Variants in XK observed in about 807,000 individuals in gnomAD.
XK encodes endoplasmic reticulum membrane adapter protein XK.
In XK, 2 loss-of-function variants were observed where a neutral mutation model predicts 14.0. The observed-to-expected ratio is 0.14, with a 90% CI of 0.06 to 0.45. The LOEUF (loss-of-function observed/expected upper bound fraction) is 0.45. XK is among the 20% of genes least tolerant of loss of function. XK has a pLI of 0.98. For missense variants in XK, 235 were observed against 341.5 expected (o/e 0.69, Z 2.46); for synonymous variants, 149 against 147.5 (o/e 1.01, Z -0.08).
intron 2 of XK, among the ~76,000 whole-genome samples, chrX:37,700,926 A>G (rs1927401446): frequency 9.0e-6 from 1 of 110,947 alleles, no homozygotes; most frequent in African/African-American, 3.3e-5. Context: ...ATAAGGAAAA[A>G]ATGCAAAAAA....
Position 37,731,594 on chromosome X carries a change from T to C in XK, c.*3132T>C, listed in dbSNP as rs1041839385. On this transcript the variant is annotated 3_prime_UTR_variant, in exon 3 of 3. Coordinates refer to ENST00000378616, the MANE Select transcript of XK (RefSeq NM_021083.4). Reference sequence around the variant, plus strand: ...CAAATCCATAAGCAGGTTATTTTTATTTTTTTACTGTTTGAAAAGAAATAA... The same window carrying C: ...CAAATCCATAAGCAGGTTATTTTTACTTTTTTACTGTTTGAAAAGAAATAA... 1.5e-4 allele frequency: 17 copies of C among 112,468 alleles called. No homozygotes were observed. The highest frequency in any genetic ancestry group is 5.5e-4 in the African/African-American group (17 of 30,962). The allele number at this position is 112,468 out of a possible 1,213,427, so 9.3% of individuals were successfully genotyped here. A position where few individuals can be genotyped will look rare whatever the true frequency, so the allele number is the denominator to read the frequency against.
chrX:37,718,404 C>T (rs781975386), intron 2 of XK, among the ~76,000 whole-genome samples: 3 of 112,138 alleles, frequency 2.7e-5, no homozygotes, highest in Admixed American at 9.4e-5. Flanking sequence ...CAGTTTGTAA[C>T]AGAAGTTTGT....
chrX:37,720,668 A>G (rs2146830416), intron 2 of XK, among the ~76,000 whole-genome samples: 1 of 110,753 alleles, frequency 9.0e-6, no homozygotes, highest in South Asian at 3.8e-4. Flanking sequence ...ATGTACATTA[A>G]GTAATTTCTT....
At chrX:37,701,463 C>A (rs1927415528) in intron 2 of XK, among the ~76,000 whole-genome samples, 1 of 112,607 alleles carries the variant, frequency 8.9e-6, no homozygotes, top group African/African-American at 3.2e-5. Context: ...TTCCTTGGAT[C>A]CTCTGTGGCC....
chrX:37,728,120 C>T lies in XK; in HGVS notation c.993C>T (p.Leu331=), dbSNP rs1556450480. The T allele has an allele frequency of 4.1e-6, 5 of 1,209,720 alleles. No individual in the cohort carries two copies. The highest frequency in any genetic ancestry group is 4.4e-5 in the Admixed American group (2 of 45,706). Residue 331 remains leucine (L), a synonymous_variant, in exon 3 of 3, where the codon CTC becomes CTT. Transcript: ENST00000378616. The part of the protein sequence containing the change: ...YMIRFIENAI[L]LLLWYLFKTD... ...TAAGATTCATCGAGAATGCCATCCT[C>T]CTCCTCCTGTGGTATCTTTTCAAGA...
chrX:37,716,785 A>G (rs782478053), intron 2 of XK, among the ~76,000 whole-genome samples: 6 of 111,907 alleles, frequency 5.4e-5, no homozygotes, highest in Non-Finnish European at 1.1e-4. Context: ...CTGGCTATCT[A>G]AAGGAAGAGT....
At chrX:37,715,886 A>AG (rs1321804674) in intron 2 of XK, among the ~76,000 whole-genome samples, 1 of 111,328 alleles carries the variant, frequency 9.0e-6, no homozygotes, top group Non-Finnish European at 1.9e-5. Context: ...CAAATGGGCC[A>AG]GGGGGGAGAA....
intron 1 of XK, among the ~76,000 whole-genome samples, chrX:37,686,735 C>T (rs1185229061): frequency 9.0e-6 from 1 of 111,494 alleles, no homozygotes; most frequent in Non-Finnish European, 1.9e-5. Flanking sequence ...ATTCTTTTCT[C>T]TTGGTGGCGT....
chrX:37,705,406 C>A (rs1189600288), intron 2 of XK, among the ~76,000 whole-genome samples: 1 of 108,455 alleles, frequency 9.2e-6, no homozygotes, highest in Admixed American at 9.8e-5. Flanking sequence ...GAGCCGAGCT[C>A]GCGCCACTGG....
chrX:37,706,745 A>G (rs1354899157), intron 2 of XK, among the ~76,000 whole-genome samples: 2 of 109,182 alleles, frequency 1.8e-5, no homozygotes, highest in Non-Finnish European at 3.8e-5. Flanking sequence ...CAAGTGAACA[A>G]AGGTCTCTGG....
intron 1 of XK, among the ~76,000 whole-genome samples, chrX:37,689,132 G>T (rs782099610): frequency 9.0e-6 from 1 of 111,632 alleles, no homozygotes; most frequent in African/African-American, 3.3e-5. Flanking sequence ...AAAACAACAG[G>T]CAAACCCCTT....
At chrX:37,719,874 C>T (rs1453082908) in intron 2 of XK, among the ~76,000 whole-genome samples, 1 of 110,779 alleles carries the variant, frequency 9.0e-6, no homozygotes, top group Non-Finnish European at 1.9e-5. Context: ...AAGAAAAAAA[C>T]TAGAGAAAAT....
intron 1 of XK, among the ~76,000 whole-genome samples, chrX:37,693,963 T>C (rs1927256403): frequency 8.9e-6 from 1 of 112,396 alleles, no homozygotes; most frequent in South Asian, 3.7e-4. Context: ...AGCTAGTATG[T>C]GTCAGGAAGG....
At position 37,712,257 on chromosome X, in the gene XK, C is replaced by T. The variant is rs147435320; in HGVS notation, c.509-15379C>T. On this transcript the variant is annotated intron_variant, in intron 2 of 2. Coordinates refer to ENST00000378616, the MANE Select transcript of XK (RefSeq NM_021083.4). The stretch of plus-strand genomic sequence containing the variant: ...TCGCTGCCCAGAGATCTACTTTGGC[C>T]AGACACGTTGACTAGATTCTGAAAA... Among the ~76,000 whole-genome samples the T allele has an allele frequency of 4.0e-4, 45 of 111,806 alleles. No homozygotes were observed. In the East Asian group the frequency reaches 0.013, roughly 31 times the overall value.
intron 2 of XK, among the ~76,000 whole-genome samples, chrX:37,715,094 G>A (rs192821694): frequency 6.5e-5 from 7 of 108,459 alleles, no homozygotes; most frequent in East Asian, 2.9e-4. Flanking sequence ...ACATGTATAC[G>A]TGTGTGTGTG....
At chrX:37,707,706 C>T (rs1337511748) in intron 2 of XK, among the ~76,000 whole-genome samples, 1 of 110,273 alleles carries the variant, frequency 9.1e-6, no homozygotes, top group Non-Finnish European at 1.9e-5. Context: ...GGAAGAGGCG[C>T]TCCTCACTTC....
chrX:37,731,311 T>A lies in XK; in HGVS notation c.*2849T>A, dbSNP rs1219141043. 8.9e-6 allele frequency: 1 copy of A among 112,312 alleles called. No individual in the cohort carries two copies. The highest frequency in any genetic ancestry group is 3.2e-5 in the African/African-American group (1 of 30,900). 9.3% of individuals were successfully genotyped at this position (112,312 alleles called of 1,213,427 possible). On this transcript the variant is annotated 3_prime_UTR_variant, in exon 3 of 3. Transcript: ENST00000378616. ...CATTTGGCTGGATGGGGGTGAAGTA[T>A]GTCTTCAAAATATATTGAAGTAAGT...
rs150401054 is a variant in XK at position 37,695,029 on chromosome X, G to T, written c.508+481G>T. On this transcript the variant is annotated intron_variant, in intron 2 of 2. Coordinates refer to ENST00000378616, the MANE Select transcript of XK (RefSeq NM_021083.4). ...TGTGATCCAGGCTTGGGAGTTGTGGGACATCACTTCTGCTTCCTTCTCATT... is the reference window on the plus strand; with the variant it reads ...TGTGATCCAGGCTTGGGAGTTGTGGTACATCACTTCTGCTTCCTTCTCATT... 7.1e-3 allele frequency among the ~76,000 whole-genome samples: 802 copies of T among 112,174 alleles called. 3 individuals are homozygous for T. The highest frequency in any genetic ancestry group is 0.037 in the Middle Eastern group (8 of 216).
At chrX:37,720,171 A>G (rs950786905) in intron 2 of XK, among the ~76,000 whole-genome samples, 2 of 111,064 alleles carry the variant, frequency 1.8e-5, no homozygotes, top group Admixed American at 1.9e-4. Flanking sequence ...TTGTATTCAT[A>G]TTATTTGTTT....
Sources: allele counts gnomAD v4.1 joint callset (sites outside exome capture counted in the v4.1 genomes callset), GRCh38; gene constraint gnomAD v4.1.1; transcripts MANE v1.5; gene names NCBI Gene and HGNC (gene_info 2026-07-23, HGNC 2026-07-21).